Variants in PXDNL observed in about 807,000 individuals in gnomAD.
The protein encoded by PXDNL is peroxidasin like.
PXDNL carries 145 observed loss-of-function variants against 150.8 expected under a neutral mutation model. The observed-to-expected ratio is 0.96, with a 90% CI of 0.84 to 1.10. PXDNL has a LOEUF of 1.10. Ranked by LOEUF, PXDNL falls within the 50% of genes least tolerant of loss-of-function variation. PXDNL has a pLI of 0.00. For missense variants in PXDNL, 2,087 were observed against 1,873.9 expected, an observed-to-expected ratio of 1.11 and a Z score of -2.10; for synonymous variants, 757 against 725.7, an observed-to-expected ratio of 1.04 and a Z score of -0.69.
At chr8:51,691,777 C>G (rs1233782204) in intron 1 of PXDNL, among the ~76,000 whole-genome samples, 1 of 152,056 alleles carries the variant, frequency 6.6e-6, no homozygotes, top group African/African-American at 2.4e-5. Context: ...AACGTTTTTA[C>G]CATATCTTGT....
chr8:51,581,570 G>A (rs1262702883), intron 3 of PXDNL, among the ~76,000 whole-genome samples: 1 of 151,880 alleles, frequency 6.6e-6, no homozygotes, highest in African/African-American at 2.4e-5. Flanking sequence ...AAAAAGAAAT[G>A]AAATAAGTTA....
At position 51,404,841 on chromosome 8, in the gene PXDNL, C is replaced by T. The variant is rs550916576; in HGVS notation, c.3557+3226G>A. ...GCGCCGGCACTCCTCAGCCCTTGGG[C>T]GGTCGATGGGACTGGGTGCCCCAGA... On this transcript the variant is annotated intron_variant, in intron 17 of 22. Coordinates refer to ENST00000356297, the MANE Select transcript of PXDNL (RefSeq NM_144651.5). Among the ~76,000 whole-genome samples, 164 of 152,332 alleles carry T rather than the reference C, an allele frequency of 1.1e-3. 1 individual carries two copies. The highest frequency in any genetic ancestry group is 3.6e-3 in the African/African-American group (148 of 41,588).
intron 19 of PXDNL, among the ~76,000 whole-genome samples, chr8:51,359,724 C>T (rs1289904043): frequency 6.6e-6 from 1 of 152,122 alleles, no homozygotes; most frequent in Admixed American, 6.5e-5. Context: ...ATATTCTGCT[C>T]TAATTCTGAA....
intron 2 of PXDNL, among the ~76,000 whole-genome samples, chr8:51,629,569 A>C (rs1468089433): frequency 6.6e-6 from 1 of 152,200 alleles, no homozygotes; most frequent in African/African-American, 2.4e-5. Flanking sequence ...ACATCCAAGA[A>C]GTTCAGTGAG....
chr8:51,766,412 T>A (rs1309990280), intron 1 of PXDNL, among the ~76,000 whole-genome samples: 1 of 152,236 alleles, frequency 6.6e-6, no homozygotes. Flanking sequence ...CACTTTTACC[T>A]ATGTAGTATA....
In PXDNL at chr8:51,763,939, C is replaced by G. The variant is rs141770444; in HGVS notation, c.164+45242G>C. On this transcript the variant is annotated intron_variant, in intron 1 of 22. Coordinates refer to ENST00000356297, the MANE Select transcript of PXDNL (RefSeq NM_144651.5). ...AATTCTTCAGCGAAGTCACCTGGAC[C>G]TGGGATATAGCTATGAGAATTTTTA... is the stretch of plus-strand genomic sequence containing the variant. Among the ~76,000 whole-genome samples, 26 of 152,274 alleles carry G rather than the reference C, an allele frequency of 1.7e-4. No individual in the cohort carries two copies. The East Asian group carries it at 4.8e-3, about 28-fold the overall frequency.
intron 19 of PXDNL, among the ~76,000 whole-genome samples, chr8:51,365,600 G>A (rs1047956603): frequency 6.6e-6 from 1 of 152,106 alleles, no homozygotes; most frequent in Non-Finnish European, 1.5e-5. Context: ...AATTTTAAAC[G>A]TTTGCATGCA....
intron 19 of PXDNL, among the ~76,000 whole-genome samples, chr8:51,355,786 A>T (rs1806487508): frequency 6.6e-6 from 1 of 152,238 alleles, no homozygotes; most frequent in South Asian, 2.1e-4. Flanking sequence ...TAATGCCTAC[A>T]GTATTATGCA....
At position 51,408,218 on chromosome 8, in the gene PXDNL, C is replaced by A. The variant is rs1209221697; in HGVS notation, c.3406G>T (p.Asp1136Tyr). Residue 1136 changes from aspartate (D) to tyrosine (Y), a missense_variant, in exon 17 of 23, where the codon GAT (aspartate) becomes TAT (tyrosine). Physicochemically the swap from Asp to Tyr is radical, Grantham distance 160 (BLOSUM62 -3). Transcript: ENST00000356297. ...CTTTGAATGATGGTGGCAGCCGAATCCACGGCCGCAGAATAAGCCGCGGAG... is the reference window on the plus strand; with the variant it reads ...CTTTGAATGATGGTGGCAGCCGAATACACGGCCGCAGAATAAGCCGCGGAG... ...LFSAAYSAAV[D>Y]SAATIIQRGR... 6.2e-7 allele frequency: 1 copy of A among 1,613,888 alleles called. No homozygotes were observed. The highest frequency in any genetic ancestry group is 8.5e-7 in the Non-Finnish European group (1 of 1,179,906).
At chr8:51,618,394 G>T (rs1238459160) in intron 2 of PXDNL, among the ~76,000 whole-genome samples, 2 of 152,308 alleles carry the variant, frequency 1.3e-5, no homozygotes, top group East Asian at 3.9e-4. Context: ...GCAGAATCAG[G>T]ATGCAGCTGC....
chr8:51,759,474 G>C (rs530516228), intron 1 of PXDNL, among the ~76,000 whole-genome samples: 8 of 152,216 alleles, frequency 5.3e-5, no homozygotes, highest in Non-Finnish European at 8.8e-5. Context: ...TCCCCGATTT[G>C]AGTGTGAGAG....
chr8:51,332,450 A>G (rs1048378735), intron 21 of PXDNL, among the ~76,000 whole-genome samples: 2 of 152,180 alleles, frequency 1.3e-5, no homozygotes, highest in Non-Finnish European at 2.9e-5. Flanking sequence ...ACACTAGTTC[A>G]CCAGCAAAGG....
intron 4 of PXDNL, among the ~76,000 whole-genome samples, chr8:51,516,935 CTATT>C (rs1811553734): frequency 6.6e-6 from 1 of 152,104 alleles, no homozygotes; most frequent in Non-Finnish European, 1.5e-5. Flanking sequence ...CTATTAATTC[CTATT>C]TATTATTAAC....
At chr8:51,381,693 G>A (rs111632231) in intron 17 of PXDNL, among the ~76,000 whole-genome samples, 10,158 of 150,076 alleles carry the variant, frequency 0.068, 489 homozygotes, top group Middle Eastern at 0.12. Context: ...TCACTCTGTC[G>A]CCCAGGCTAG....
chr8:51,755,570 G>A (rs1463325292), intron 1 of PXDNL, among the ~76,000 whole-genome samples: 2 of 152,170 alleles, frequency 1.3e-5, no homozygotes, highest in Non-Finnish European at 2.9e-5. Flanking sequence ...GGGGTTTCAG[G>A]CATTAGCCGC....
rs556039293 is a variant in PXDNL, at chr8:51,344,577, C to G, written c.4016+1256G>C. Among the ~76,000 whole-genome samples, 7 of 152,340 alleles carry G rather than the reference C, an allele frequency of 4.6e-5. No homozygotes were observed. The East Asian group carries it at 1.4e-3, about 29-fold the overall frequency. ...AGAATTAATCACCCCTTGCTCTGCACTACTCACTCCATGATTGGATTTCAC... is the reference window on the plus strand; with the variant it reads ...AGAATTAATCACCCCTTGCTCTGCAGTACTCACTCCATGATTGGATTTCAC... On this transcript the variant is annotated intron_variant, in intron 20 of 22. Transcript: ENST00000356297.
chr8:51,728,644 GA>G (rs1489570405), intron 1 of PXDNL, among the ~76,000 whole-genome samples: 2 of 152,060 alleles, frequency 1.3e-5, no homozygotes, highest in African/African-American at 4.8e-5. Flanking sequence ...GATAAAGAGA[GA>G]AAATATGTTT....
intron 16 of PXDNL, among the ~76,000 whole-genome samples, chr8:51,410,148 C>A (rs1563399766): frequency 6.6e-6 from 1 of 152,190 alleles, no homozygotes; most frequent in Non-Finnish European, 1.5e-5. Flanking sequence ...CCACATGATA[C>A]TTGACAAGGA....
intron 2 of PXDNL, among the ~76,000 whole-genome samples, chr8:51,619,050 T>C (rs1442402290): frequency 6.6e-6 from 1 of 152,190 alleles, no homozygotes; most frequent in Non-Finnish European, 1.5e-5. Context: ...CCCAAAGTGA[T>C]AGCCTCCAAA....
Sources: gnomAD v4.1 joint callset for allele counts (sites outside exome capture counted in the v4.1 genomes callset) on GRCh38, gnomAD v4.1.1 for gene constraint, MANE v1.5 for transcripts, NCBI Gene and HGNC (gene_info 2026-07-23, HGNC 2026-07-21) for gene names.